The following CEP68 variants were observed in gnomAD, a reference collection of about 807,000 sequenced individuals.
The protein encoded by CEP68 is centrosomal protein of 68 kDa.
In CEP68, 26 loss-of-function variants were observed where a neutral mutation model predicts 55.3. The ratio of observed to expected loss-of-function variants is 0.47; its 90% CI spans 0.34 to 0.65. CEP68 has a LOEUF of 0.65. Among genes scored for constraint, CEP68 ranks in the 30% least tolerant of loss-of-function variants. The pLI is 0.01. For missense variants in CEP68, 957 were observed against 946.7 expected, an observed-to-expected ratio of 1.01 and a Z score of -0.14; for synonymous variants, 402 against 383.2, an observed-to-expected ratio of 1.05 and a Z score of -0.57.
Position 65,074,530 on chromosome 2 carries a change from A to T in CEP68, c.2007+126A>T. 2.2e-6 allele frequency: 3 copies of T among 1,351,678 alleles called. 1 individual carries two copies. Among genetic ancestry groups the T allele is most frequent in the South Asian group, 2.4e-5 (2 of 84,494 alleles). The allele number at this position is 1,351,678 out of a possible 1,614,324, so 83.7% of individuals were successfully genotyped here. A position where few individuals can be genotyped will look rare whatever the true frequency, so the allele number is the denominator to read the frequency against. On this transcript the variant is annotated intron_variant, in intron 4 of 6. Transcript: ENST00000377990. The stretch of plus-strand genomic sequence containing the variant: ...TAGCTCAGTTGACTATTATACCTGA[A>T]ATCTAATTAGAGCTTCACATTCTTA...
At chr2:65,056,768 C>G (rs906732280) in intron 1 of CEP68, among the ~76,000 whole-genome samples, 1 of 152,090 alleles carries the variant, frequency 6.6e-6, no homozygotes, top group Non-Finnish European at 1.5e-5. Flanking sequence ...ACGGCGTGTG[C>G]TGTGGCGGCC....
chr2:65,078,241 G>T (rs537960300), intron 5 of CEP68, among the ~76,000 whole-genome samples: 3 of 152,284 alleles, frequency 2.0e-5, no homozygotes, highest in Admixed American at 2.0e-4. Flanking sequence ...TTCTGCTTTT[G>T]TATTTTTCTG....
At chr2:65,066,004 TG>T (rs1456016042) in intron 1 of CEP68, among the ~76,000 whole-genome samples, 1 of 149,714 alleles carries the variant, frequency 6.7e-6, no homozygotes. Context: ...CTTACTCAAA[TG>T]GGTTCAAGTT....
At chr2:65,081,534 AAGAC>A (rs1404526968) in intron 5 of CEP68, among the ~76,000 whole-genome samples, 4 of 152,210 alleles carry the variant, frequency 2.6e-5, no homozygotes, top group African/African-American at 2.4e-5. Context: ...GCAGGAAACT[AAGAC>A]AGCCTTTGTG....
intron 5 of CEP68, among the ~76,000 whole-genome samples, chr2:65,081,614 C>G (rs1447721608): frequency 6.6e-6 from 1 of 152,244 alleles, no homozygotes; most frequent in African/African-American, 2.4e-5. Flanking sequence ...CACTCTGACC[C>G]TAGCCCATCC....
intron 4 of CEP68, chr2:65,074,610 A>G (rs779696924): frequency 8.7e-5 from 59 of 680,484 alleles, no homozygotes; most frequent in Non-Finnish European, 1.3e-4. Context: ...ATGGAGCTTG[A>G]AGATACAATA....
At chr2:65,070,710 G>C (rs1265980435) in intron 2 of CEP68, 1 of 152,072 alleles carries the variant, frequency 6.6e-6, no homozygotes, top group Non-Finnish European at 1.5e-5. Flanking sequence ...CTTTCACGGG[G>C]ATGAGTCCGG....
intron 1 of CEP68, among the ~76,000 whole-genome samples, chr2:65,067,843 A>G (rs1676269546): frequency 6.6e-6 from 1 of 152,212 alleles, no homozygotes; most frequent in African/African-American, 2.4e-5. Context: ...TGCGAAGGGC[A>G]TGCTCTTCTC....
intron 5 of CEP68, among the ~76,000 whole-genome samples, chr2:65,081,464 TGACA>T (rs1677014174): frequency 6.6e-6 from 1 of 152,204 alleles, no homozygotes; most frequent in South Asian, 2.1e-4. Flanking sequence ...CTTCCTCTAC[TGACA>T]GATGTTACAG....
chr2:65,084,370 C>T lies in CEP68; in HGVS notation c.*736C>T, dbSNP rs1225023865. ...AAGGGTAACTTTGGGAGGACTCCTC[C>T]CTTCACTCCTAGTCTCCCTTGGAAG... is the stretch of plus-strand genomic sequence containing the variant. On this transcript the variant is annotated 3_prime_UTR_variant, in exon 7 of 7. Transcript: ENST00000377990. 1 of 152,140 alleles carries T rather than the reference C, an allele frequency of 6.6e-6. No homozygotes were observed. The highest frequency in any genetic ancestry group is 1.5e-5 in the Non-Finnish European group (1 of 68,032). 9.4% of individuals were successfully genotyped at this position (152,140 alleles called of 1,614,324 possible). A position where few individuals can be genotyped will look rare whatever the true frequency, so the allele number is the denominator to read the frequency against.
intron 4 of CEP68, among the ~76,000 whole-genome samples, chr2:65,075,941 A>G (rs774776659): frequency 1.6e-4 from 24 of 151,960 alleles, no homozygotes; most frequent in Non-Finnish European, 3.4e-4. Context: ...TTGTTTTCCA[A>G]CTTGGGGCCA....
At position 65,072,013 on chromosome 2, in the gene CEP68, C is replaced by T. The variant is rs768171040; in HGVS notation, c.917C>T (p.Thr306Ile). 6.2e-7 allele frequency: 1 copy of T among 1,613,330 alleles called. No homozygotes were observed. The stretch of plus-strand genomic sequence containing the variant: ...GAGTATGAAGATCTGCTTGACTATA[C>T]TTACCCACTGAGGCCCGGGCCTCAG... ...NKEYEDLLDY[T>I]YPLRPGPQLP... The change falls in exon 3 of 7, where the codon ACT becomes ATT. Residue 306 changes from threonine (T) to isoleucine (I), a missense_variant. Physicochemically the swap from Thr to Ile is moderately conservative, Grantham distance 89. Transcript: ENST00000377990.
rs999038954 is a variant in CEP68 at position 65,058,497 on chromosome 2, C to T, written c.-47+1969C>T. Among the ~76,000 whole-genome samples, 101 of 75,666 alleles carry T rather than the reference C, an allele frequency of 1.3e-3. 2 individuals carry two copies. Among genetic ancestry groups the T allele is most frequent in the African/African-American group, 4.8e-3 (84 of 17,362 alleles). The allele number at this position is 75,666 out of a possible 152,430, so 49.6% of individuals were successfully genotyped here. On this transcript the variant is annotated intron_variant, in intron 1 of 6. Coordinates refer to ENST00000377990, the MANE Select transcript of CEP68 (RefSeq NM_015147.3). Reference sequence around the variant, plus strand: ...CCTTATCCGATGGCTGATTTTTTTCCTTTTTTTTTTTTTTTTTTTTTTTTT... The same window carrying T: ...CCTTATCCGATGGCTGATTTTTTTCTTTTTTTTTTTTTTTTTTTTTTTTTT...
At chr2:65,056,675 C>G (rs1217927732) in intron 1 of CEP68, 147 bp downstream of exon 1, 2 of 152,034 alleles carry the variant, frequency 1.3e-5, no homozygotes, top group African/African-American at 4.8e-5. Context: ...GGCCGTCTGG[C>G]CTCGCGTCCC....
chr2:65,061,974 A>G, intron 1 of CEP68, among the ~76,000 whole-genome samples: 1 of 152,216 alleles, frequency 6.6e-6, no homozygotes, highest in East Asian at 1.9e-4. Context: ...TTGGAGAAAG[A>G]GCAGCATGGA....
At chr2:65,074,151 T>G (rs1573039569) in intron 3 of CEP68, 131 bp from the exon 4 acceptor site, 3 of 1,066,050 alleles carry the variant, frequency 2.8e-6, no homozygotes, top group Non-Finnish European at 4.1e-6. Context: ...TCGGGACAGG[T>G]GAGCAAGGAG....
intron 1 of CEP68, among the ~76,000 whole-genome samples, chr2:65,062,404 G>A (rs934842123): frequency 2.0e-5 from 3 of 151,990 alleles, no homozygotes; most frequent in East Asian, 1.9e-4. Context: ...ATGGTGGCAC[G>A]CACCTGGAGT....
At chr2:65,058,318 C>T (rs1307368266) in intron 1 of CEP68, among the ~76,000 whole-genome samples, 1 of 151,746 alleles carries the variant, frequency 6.6e-6, no homozygotes, top group African/African-American at 2.4e-5. Context: ...TCCCTCTCAC[C>T]TCAGCCTCCC....
At chr2:65,080,165 G>A in intron 5 of CEP68, 1 of 914,876 alleles carries the variant, frequency 1.1e-6, no homozygotes, top group South Asian at 5.0e-5. Context: ...AAAGCTTCAG[G>A]TTTTTTGACC....
Sources: gnomAD v4.1 joint callset for allele counts (sites outside exome capture counted in the v4.1 genomes callset) on GRCh38, gnomAD v4.1.1 for gene constraint, MANE v1.5 for transcripts, NCBI Gene and HGNC (gene_info 2026-07-23, HGNC 2026-07-21) for gene names.